The following ANXA8 variants were observed in gnomAD, a reference collection of about 807,000 sequenced individuals.
The protein encoded by ANXA8 is annexin A8.
A neutral mutation model predicts 26.8 loss-of-function variants in ANXA8; 9 were observed. That is an observed-to-expected ratio of 0.34 (90% confidence interval 0.20 to 0.59). ANXA8 has a LOEUF of 0.59. Among genes scored for constraint, ANXA8 ranks in the 20% least tolerant of loss-of-function variants. The pLI, the probability that ANXA8 is intolerant of heterozygous loss-of-function variation, is 0.84. For missense variants in ANXA8, 83 were observed against 238.5 expected (o/e 0.35, Z 4.29); for synonymous variants, 39 against 94.8 (o/e 0.41, Z 3.42).
chr10:47,743,277 T>TAC, the ANXA8 span, among the ~76,000 whole-genome samples: 1,002 of 92,028 alleles, frequency 0.011, 43 homozygotes, highest in African/African-American at 0.023. Flanking sequence ...TATATATATA[T>TAC]ACACACATAT....
the ANXA8 span, among the ~76,000 whole-genome samples, chr10:47,637,426 A>G: frequency 6.7e-6 from 1 of 150,232 alleles, no homozygotes; most frequent in African/African-American, 2.5e-5. Flanking sequence ...TAAACACAAA[A>G]TACTGTAACA....
chr10:47,632,824 TCAAA>T, the ANXA8 span, among the ~76,000 whole-genome samples: 5 of 142,096 alleles, frequency 3.5e-5, no homozygotes, highest in East Asian at 4.0e-4. Flanking sequence ...TGCCATTATG[TCAAA>T]CAAACAAACA....
the ANXA8 span, among the ~76,000 whole-genome samples, chr10:47,732,923 G>A: frequency 1.7e-4 from 25 of 148,836 alleles, no homozygotes; most frequent in Admixed American, 6.7e-4. Context: ...TTATATCAGC[G>A]CCAGGATTAA....
chr10:47,970,377 G>A, the ANXA8 span: 1 of 150,958 alleles, frequency 6.6e-6, no homozygotes, highest in African/African-American at 2.4e-5. Flanking sequence ...GAAAGGAGGT[G>A]TGTCCTCCTT....
the ANXA8 span, among the ~76,000 whole-genome samples, chr10:47,653,109 C>T: frequency 1.1e-4 from 16 of 150,688 alleles, 1 homozygote; most frequent in African/African-American, 2.5e-4. Context: ...GTTAGGAGTT[C>T]GAGACCAGCC....
At chr10:47,584,731 G>T in the ANXA8 span, among the ~76,000 whole-genome samples, 4 of 111,054 alleles carry the variant, frequency 3.6e-5, 1 homozygote, top group Admixed American at 3.9e-4. Flanking sequence ...TGTGTCTTCT[G>T]CTATCTGCCT....
the ANXA8 span, among the ~76,000 whole-genome samples, chr10:47,980,845 A>G: frequency 6.6e-6 from 1 of 150,994 alleles, no homozygotes; most frequent in Non-Finnish European, 1.5e-5. Flanking sequence ...CACCATGCAC[A>G]AAAAAGCTCA....
At chr10:47,637,263 AG>A in the ANXA8 span, among the ~76,000 whole-genome samples, 1 of 145,180 alleles carries the variant, frequency 6.9e-6, no homozygotes. Context: ...AACTACAGAA[AG>A]TAGGGAACAG....
At chr10:47,564,028 G>GAGCCCC in the ANXA8 span, among the ~76,000 whole-genome samples, 4 of 135,352 alleles carry the variant, frequency 3.0e-5, 1 homozygote, top group South Asian at 7.8e-4. Flanking sequence ...ATATATATTA[G>GAGCCCC]AGCCCCAGCC....
chr10:47,502,876 C>T, the ANXA8 span: 1 of 1,604,546 alleles, frequency 6.2e-7, no homozygotes, highest in Non-Finnish European at 8.5e-7. Context: ...CCACGTTTGG[C>T]CAGTGGCAGA....
the ANXA8 span, among the ~76,000 whole-genome samples, chr10:47,554,647 T>G: frequency 6.6e-6 from 1 of 151,102 alleles, no homozygotes; most frequent in South Asian, 2.1e-4. Flanking sequence ...CACCGGTGCA[T>G]GCAAGGCTCA....
chr10:47,666,263 G>C, the ANXA8 span, among the ~76,000 whole-genome samples: 1 of 148,398 alleles, frequency 6.7e-6, no homozygotes, highest in Admixed American at 6.8e-5. Context: ...TGAATGTTTG[G>C]GTAGACAAGG....
chr10:47,688,426 A>AT, the ANXA8 span, among the ~76,000 whole-genome samples: 554 of 140,218 alleles, frequency 4.0e-3, 8 homozygotes, highest in Admixed American at 0.013. Flanking sequence ...AAAATGAGTA[A>AT]TTTTTTTTTT....
the ANXA8 span, among the ~76,000 whole-genome samples, chr10:47,623,033 G>A: frequency 1.8e-5 from 2 of 112,606 alleles, 1 homozygote; most frequent in Non-Finnish European, 3.9e-5. Flanking sequence ...TTTGTTTGTA[G>A]TTTTTTTGCT....
At chr10:47,959,929 T>C in the ANXA8 span, among the ~76,000 whole-genome samples, 2 of 151,290 alleles carry the variant, frequency 1.3e-5, no homozygotes, top group African/African-American at 4.9e-5. Flanking sequence ...CCAAGCCACA[T>C]GGAGGAGCTG....
At chr10:47,974,824 G>T in the ANXA8 span, among the ~76,000 whole-genome samples, 1 of 149,668 alleles carries the variant, frequency 6.7e-6, no homozygotes, top group Non-Finnish European at 1.5e-5. Context: ...GCATATGGTT[G>T]ATCTGAGAAT....
chr10:47,689,252 T>C, the ANXA8 span, among the ~76,000 whole-genome samples: 19 of 151,378 alleles, frequency 1.3e-4, no homozygotes, highest in South Asian at 2.1e-4. Flanking sequence ...CAATCTAGGC[T>C]CACTGCAACC....
At chr10:47,495,271 A>ATTATTG in the ANXA8 span, among the ~76,000 whole-genome samples, 4 of 118,632 alleles carry the variant, frequency 3.4e-5, no homozygotes, top group African/African-American at 1.2e-4. Context: ...TATTATTATT[A>ATTATTG]TTATTATTAT....
At chr10:47,570,884 C>G in the ANXA8 span, among the ~76,000 whole-genome samples, 1 of 148,674 alleles carries the variant, frequency 6.7e-6, no homozygotes, top group South Asian at 2.1e-4. Flanking sequence ...ATAGGTAACT[C>G]TAAAACTTGA....
Sources: gnomAD v4.1 joint callset for allele counts (sites outside exome capture counted in the v4.1 genomes callset) on GRCh38, gnomAD v4.1.1 for gene constraint, MANE v1.5 for transcripts, NCBI Gene and HGNC (gene_info 2026-07-23, HGNC 2026-07-21) for gene names.